The following STEAP1B variants were observed in gnomAD, a reference collection of about 807,000 sequenced individuals.
The protein encoded by STEAP1B is STEAP family protein MGC87042.
STEAP1B carries 13 observed loss-of-function variants against 27.9 expected under a neutral mutation model. The ratio of observed to expected loss-of-function variants is 0.47; its 90% CI spans 0.30 to 0.74. STEAP1B has a LOEUF of 0.74. Ranked by LOEUF, STEAP1B falls within the 30% of genes least tolerant of loss-of-function variation. The probability of loss-of-function intolerance (pLI) is 0.06; values close to 1 mark genes in which losing one functional copy is unlikely to be tolerated. For missense variants in STEAP1B, 250 were observed against 298.7 expected, an observed-to-expected ratio of 0.84 and a Z score of 1.20; for synonymous variants, 86 against 107.1, an observed-to-expected ratio of 0.80 and a Z score of 1.22.
intron 1 of STEAP1B, among the ~76,000 whole-genome samples, chr7:22,496,945 T>A (rs1583358092): frequency 6.6e-6 from 1 of 152,250 alleles, no homozygotes; most frequent in South Asian, 2.1e-4. Flanking sequence ...CCAGATATTA[T>A]CTATTTCAAA....
At chr7:22,423,222 G>A (rs930637430) in intron 4 of STEAP1B, among the ~76,000 whole-genome samples, 2 of 152,114 alleles carry the variant, frequency 1.3e-5, no homozygotes, top group Non-Finnish European at 2.9e-5. Flanking sequence ...TTCTTAAAAC[G>A]TTAAGCATAA....
intron 4 of STEAP1B, among the ~76,000 whole-genome samples, chr7:22,427,813 C>A (rs1424708454): frequency 1.3e-5 from 2 of 152,170 alleles, no homozygotes; most frequent in Admixed American, 6.5e-5. Flanking sequence ...AATTAGCAAA[C>A]CTCCAGCAAG....
At chr7:22,481,115 G>C (rs1194115451) in intron 4 of STEAP1B, among the ~76,000 whole-genome samples, 1 of 152,218 alleles carries the variant, frequency 6.6e-6, no homozygotes, top group Admixed American at 6.5e-5. Context: ...AACCACTTAG[G>C]TGATACCTCA....
intron 4 of STEAP1B, among the ~76,000 whole-genome samples, chr7:22,430,518 G>C (rs1785169622): frequency 6.6e-6 from 1 of 152,198 alleles, no homozygotes; most frequent in Non-Finnish European, 1.5e-5. Context: ...TGGACTCCCA[G>C]GTTTCAACAT....
At chr7:22,459,859 A>G (rs1785648551) in intron 4 of STEAP1B, among the ~76,000 whole-genome samples, 1 of 152,218 alleles carries the variant, frequency 6.6e-6, no homozygotes, top group Admixed American at 6.5e-5. Flanking sequence ...TCAGCATTGC[A>G]GGCAATTCTC....
chr7:22,494,912 C>A (rs974907150), intron 1 of STEAP1B, 26 bp from the exon 2 acceptor site: 48 of 1,185,934 alleles, frequency 4.0e-5, no homozygotes, highest in Non-Finnish European at 5.2e-5. Context: ...TAATTACTTT[C>A]ATGTCTATTC....
At chr7:22,449,906 G>A (rs372972434) in intron 4 of STEAP1B, among the ~76,000 whole-genome samples, 160 of 152,324 alleles carry the variant, frequency 1.1e-3, no homozygotes, top group Non-Finnish European at 1.8e-3. Context: ...GTGATGTCGA[G>A]CACCTTTTCA....
chr7:22,463,232 G>C (rs1785711495), intron 4 of STEAP1B, among the ~76,000 whole-genome samples: 1 of 151,444 alleles, frequency 6.6e-6, no homozygotes, highest in Non-Finnish European at 1.5e-5. Context: ...AAAATACCTA[G>C]GAATCCAACT....
intron 1 of STEAP1B, among the ~76,000 whole-genome samples, chr7:22,499,391 T>C (rs1786497625): frequency 3.3e-5 from 5 of 152,318 alleles, no homozygotes; most frequent in African/African-American, 9.6e-5. Flanking sequence ...GGTTTTTTTT[T>C]CACTGTGCTG....
chr7:22,453,462 G>C (rs762382539), intron 4 of STEAP1B, among the ~76,000 whole-genome samples: 4 of 152,152 alleles, frequency 2.6e-5, no homozygotes, highest in African/African-American at 7.2e-5. Flanking sequence ...TCATGTCGTT[G>C]AGATGGAAAG....
chr7:22,465,532 T>C lies in STEAP1B; in HGVS notation c.762+27033A>G, dbSNP rs948424481. Among the ~76,000 whole-genome samples the C allele has an allele frequency of 1.5e-4, 23 of 152,074 alleles. 1 individual carries two copies. The highest frequency in any genetic ancestry group is 5.3e-4 in the African/African-American group (22 of 41,374). ...TCTTCTGTTGTGTAGATTTCCATCC[T>C]ACTAATACTACAACTTATTTTCAAT... is the stretch of plus-strand genomic sequence containing the variant. On this transcript the variant is annotated intron_variant, in intron 4 of 4. Coordinates refer to ENST00000678116, the MANE Select transcript of STEAP1B (RefSeq NM_001382447.1).
chr7:22,497,916 C>T (rs1341538144), intron 1 of STEAP1B, among the ~76,000 whole-genome samples: 2 of 152,052 alleles, frequency 1.3e-5, no homozygotes, highest in South Asian at 2.1e-4. Flanking sequence ...GGACTGGTTT[C>T]GTGGAAGACA....
At chr7:22,465,806 C>A (rs1785768468) in intron 4 of STEAP1B, among the ~76,000 whole-genome samples, 1 of 152,174 alleles carries the variant, frequency 6.6e-6, no homozygotes, top group African/African-American at 2.4e-5. Context: ...TAGTCCAGTG[C>A]TGACAGGCTG....
intron 4 of STEAP1B, among the ~76,000 whole-genome samples, chr7:22,437,542 A>G (rs188614563): frequency 2.3e-4 from 35 of 152,356 alleles, no homozygotes; most frequent in Admixed American, 7.2e-4. Flanking sequence ...GGCTATTTTA[A>G]GTAATGTAGC....
intron 4 of STEAP1B, among the ~76,000 whole-genome samples, chr7:22,472,642 G>A (rs1274748128): frequency 2.6e-5 from 4 of 152,192 alleles, no homozygotes; most frequent in Admixed American, 1.3e-4. Flanking sequence ...TTCTTGTGGT[G>A]TGCCTATGAA....
chr7:22,451,077 AT>A (rs1428961830), intron 4 of STEAP1B, among the ~76,000 whole-genome samples: 1 of 152,074 alleles, frequency 6.6e-6, no homozygotes, highest in Non-Finnish European at 1.5e-5. Flanking sequence ...CATACCTGTA[AT>A]CCCAGCTACT....
chr7:22,497,351 A>G (rs1786459398), intron 1 of STEAP1B, among the ~76,000 whole-genome samples: 2 of 152,234 alleles, frequency 1.3e-5, no homozygotes, highest in Non-Finnish European at 2.9e-5. Context: ...GAAAGCCAAC[A>G]TGGAAGCAGA....
intron 4 of STEAP1B, among the ~76,000 whole-genome samples, chr7:22,466,831 G>A (rs1785792697): frequency 6.6e-6 from 1 of 152,200 alleles, no homozygotes; most frequent in Non-Finnish European, 1.5e-5. Flanking sequence ...AGACTCCAGA[G>A]CCAAACTGCC....
intron 4 of STEAP1B, among the ~76,000 whole-genome samples, chr7:22,458,827 T>C (rs1365877795): frequency 6.6e-6 from 1 of 151,350 alleles, no homozygotes; most frequent in Non-Finnish European, 1.5e-5. Context: ...ACTGTTATCC[T>C]GGAGGGGATG....
Sources: gnomAD v4.1 joint callset for allele counts (sites outside exome capture counted in the v4.1 genomes callset) on GRCh38, gnomAD v4.1.1 for gene constraint, MANE v1.5 for transcripts, NCBI Gene and HGNC (gene_info 2026-07-23, HGNC 2026-07-21) for gene names.